NRXN1: variants seen among roughly 807,000 people sequenced by gnomAD.
The protein encoded by NRXN1 is neurexin 1, also known as neurexin-1.
In NRXN1, 39 loss-of-function variants were observed where a neutral mutation model predicts 150.9. That is an observed-to-expected ratio of 0.26 (90% CI 0.20 to 0.34). NRXN1 has a LOEUF of 0.34. NRXN1 is among the 10% of genes least tolerant of loss of function. The probability of loss-of-function intolerance (pLI) is 1.00; values close to 1 mark genes in which losing one functional copy is unlikely to be tolerated. For synonymous variants in NRXN1, 924 were observed against 757.0 expected, an observed-to-expected ratio of 1.22 and a Z score of -3.62; for missense variants, 1,815 against 1,949.9, an observed-to-expected ratio of 0.93 and a Z score of 1.30.
At chr2:50,677,754 T>C (rs72887504) in intron 5 of NRXN1, among the ~76,000 whole-genome samples, 5,539 of 152,142 alleles carry the variant, frequency 0.036, 335 homozygotes, top group African/African-American at 0.13. Context: ...AAATTGTAAA[T>C]GGATATTCCC....
intron 5 of NRXN1, among the ~76,000 whole-genome samples, chr2:50,701,130 G>C (rs960638092): frequency 6.6e-6 from 1 of 152,034 alleles, no homozygotes; most frequent in Non-Finnish European, 1.5e-5. Flanking sequence ...ATGTTCCAAA[G>C]TTATTTATCA....
intron 12 of NRXN1, among the ~76,000 whole-genome samples, chr2:50,523,969 A>G (rs1261504635): frequency 6.6e-6 from 1 of 152,172 alleles, no homozygotes; most frequent in Non-Finnish European, 1.5e-5. Flanking sequence ...TTAACTCCAG[A>G]GTTTTTATTC....
intron 2 of NRXN1, among the ~76,000 whole-genome samples, chr2:50,961,964 T>A (rs988821005): frequency 6.8e-6 from 1 of 147,638 alleles, no homozygotes. Context: ...GCCTGCTAGT[T>A]AAAAAAAAAA....
At chr2:50,054,876 T>C (rs1321697419) in intron 20 of NRXN1, 79 bp downstream of exon 20, 2 of 896,948 alleles carry the variant, frequency 2.2e-6, no homozygotes, top group Non-Finnish European at 3.3e-6. Context: ...TTTTTTATGT[T>C]TATTAGTGTT....
Position 50,587,633 on chromosome 2 carries a change from G to C in NRXN1, c.1320+32389C>G, listed in dbSNP as rs1054456390. ...TTATAGTTATTTGGATGTGTACTTG[G>C]AGGGAAAAAAGTATAACTAGCATAT... On this transcript the variant is annotated intron_variant, in intron 8 of 22. Transcript: ENST00000401669. Among the ~76,000 whole-genome samples, 24 of 152,078 alleles carry C rather than the reference G, an allele frequency of 1.6e-4. 1 individual carries two copies. The highest frequency in any genetic ancestry group is 1.6e-3 in the Admixed American group (24 of 15,268).
chr2:50,828,848 C>T (rs964872234), intron 5 of NRXN1, among the ~76,000 whole-genome samples: 3 of 152,146 alleles, frequency 2.0e-5, no homozygotes, highest in African/African-American at 7.2e-5. Flanking sequence ...AGAGGCTGCA[C>T]TCTCGGCACT....
intron 18 of NRXN1, among the ~76,000 whole-genome samples, chr2:50,099,099 G>A (rs1700669457): frequency 6.6e-6 from 1 of 151,800 alleles, no homozygotes; most frequent in Non-Finnish European, 1.5e-5. Context: ...CTATATTCTG[G>A]CAGCGATATT....
intron 17 of NRXN1, among the ~76,000 whole-genome samples, chr2:50,320,940 T>G (rs2075995019): frequency 1.3e-5 from 2 of 152,170 alleles, no homozygotes; most frequent in Non-Finnish European, 2.9e-5. Flanking sequence ...TCATGCCAAA[T>G]TACTGCAGCC....
intron 5 of NRXN1, among the ~76,000 whole-genome samples, chr2:50,745,694 G>A (rs965924401): frequency 3.9e-5 from 6 of 152,096 alleles, no homozygotes; most frequent in African/African-American, 7.2e-5. Flanking sequence ...AAGCAAACAT[G>A]TCCTTCCTCA....
rs112823216 is a variant in NRXN1 at position 50,407,399 on chromosome 2, T to G, written c.3364+58043A>C. Among the ~76,000 whole-genome samples the G allele has an allele frequency of 2.4e-4, 37 of 152,298 alleles. 2 individuals are homozygous for G. The highest frequency in any genetic ancestry group is 8.9e-4 in the African/African-American group (37 of 41,564). ...ATCCTCTCTGCATATGTAAACTACC[T>G]CGCCTTCAGGACACAAAATTCAGTC... On this transcript the variant is annotated intron_variant, in intron 17 of 22. Transcript: ENST00000401669.
chr2:50,014,709 A>G (rs1268298460), intron 21 of NRXN1, among the ~76,000 whole-genome samples: 3 of 152,158 alleles, frequency 2.0e-5, no homozygotes, highest in African/African-American at 7.2e-5. Context: ...CCAATGTCAC[A>G]TGGTTAATAA....
chr2:50,884,791 T>G (rs1002740313), intron 5 of NRXN1, among the ~76,000 whole-genome samples: 1 of 151,370 alleles, frequency 6.6e-6, no homozygotes, highest in South Asian at 2.1e-4. Flanking sequence ...TATTGTTTAA[T>G]GGAGTTTACC....
chr2:50,754,092 G>T (rs528719924), intron 5 of NRXN1, among the ~76,000 whole-genome samples: 1 of 151,496 alleles, frequency 6.6e-6, no homozygotes, highest in South Asian at 2.1e-4. Context: ...AAATGAATAG[G>T]TGATTCATTC....
rs186571191 is a variant in NRXN1 at position 50,969,415 on chromosome 2, C to T, written c.773-43460G>A. 2.8e-3 allele frequency among the ~76,000 whole-genome samples: 429 copies of T among 152,100 alleles called. 2 individuals carry two copies. The highest frequency in any genetic ancestry group is 9.6e-3 in the African/African-American group (398 of 41,516). On this transcript the variant is annotated intron_variant, in intron 2 of 22. Coordinates refer to ENST00000401669, the MANE Select transcript of NRXN1 (RefSeq NM_001330078.2). ...ACACATAGTAAATGATTAATAAATGCTGGTTGGTATTAAATGATTATAAAC... is the reference window on the plus strand; with the variant it reads ...ACACATAGTAAATGATTAATAAATGTTGGTTGGTATTAAATGATTATAAAC...
At chr2:50,506,001 A>T (rs1255611485) in intron 13 of NRXN1, among the ~76,000 whole-genome samples, 6 of 152,148 alleles carry the variant, frequency 3.9e-5, no homozygotes, top group Admixed American at 3.9e-4. Context: ...TAATATTAGA[A>T]TTTAACCAAC....
intron 18 of NRXN1, among the ~76,000 whole-genome samples, chr2:50,112,122 C>T (rs1573977091): frequency 6.6e-6 from 1 of 152,142 alleles, no homozygotes; most frequent in African/African-American, 2.4e-5. Context: ...AGCTAGATAT[C>T]TCCCTGTACT....
At chr2:50,259,143 G>T (rs1335929876) in intron 17 of NRXN1, among the ~76,000 whole-genome samples, 1 of 151,884 alleles carries the variant, frequency 6.6e-6, no homozygotes, top group Non-Finnish European at 1.5e-5. Flanking sequence ...CTGAAAACAG[G>T]CATTGACTTT....
At chr2:50,926,870 A>C (rs1012747284) in intron 2 of NRXN1, among the ~76,000 whole-genome samples, 2 of 151,844 alleles carry the variant, frequency 1.3e-5, no homozygotes, top group African/African-American at 4.8e-5. Flanking sequence ...GCAGATTTGT[A>C]TTTCCCAAGA....
chr2:50,167,865 C>A (rs2059782378), intron 18 of NRXN1, among the ~76,000 whole-genome samples: 1 of 152,136 alleles, frequency 6.6e-6, no homozygotes, highest in Non-Finnish European at 1.5e-5. Context: ...TCCAGGATTA[C>A]ATGCATAGTA....
Sources: gnomAD v4.1 joint callset for allele counts (sites outside exome capture counted in the v4.1 genomes callset) on GRCh38, gnomAD v4.1.1 for gene constraint, MANE v1.5 for transcripts, NCBI Gene and HGNC (gene_info 2026-07-23, HGNC 2026-07-21) for gene names.